Variants in ELAC2 observed in about 807,000 individuals in gnomAD.
ELAC2 encodes the protein zinc phosphodiesterase ELAC protein 2.
Under a neutral mutation model 105.2 loss-of-function variants are expected in ELAC2, and 92 were observed. That is an observed-to-expected ratio of 0.87 (90% CI 0.74 to 1.04). ELAC2 has a LOEUF of 1.04. ELAC2 is among the 50% of genes least tolerant of loss of function. The pLI is 0.00. For synonymous variants in ELAC2, 468 were observed against 409.1 expected (o/e 1.14, Z -1.74); for missense variants, 1,099 against 1,071.7 (o/e 1.03, Z -0.36).
At chr17:13,015,406 C>T (rs1382965885) in intron 4 of ELAC2, among the ~76,000 whole-genome samples, 1 of 152,156 alleles carries the variant, frequency 6.6e-6, no homozygotes, top group Non-Finnish European at 1.5e-5. Context: ...AAGAAGATGT[C>T]AGAAATTTAT....
intron 5 of ELAC2, 73 bp from the exon 6 acceptor site, chr17:13,013,348 C>T: frequency 6.7e-7 from 1 of 1,501,294 alleles, no homozygotes; most frequent in Admixed American, 1.8e-5. Flanking sequence ...TTCAGGATCA[C>T]CAACCACGAG....
In ELAC2 at chr17:13,017,986, C is replaced by T. The variant is rs545750425; in HGVS notation, c.-39G>A. 1.1e-4 allele frequency: 165 copies of T among 1,534,030 alleles called. No individual in the cohort carries two copies. Among genetic ancestry groups the T allele is most frequent in the Middle Eastern group, 2.2e-4 (1 of 4,564 alleles). On this transcript the variant is annotated 5_prime_UTR_variant, in exon 1 of 24. In the 5' UTR this introduces an upstream ATG that the reference lacks. Transcript: ENST00000338034. Reference sequence around the variant, plus strand: ...CCAAAACTGAGAAAGCCGCCGGTCACCTACGCCCGCGTTTCCCGTGCACCA... The same window carrying T: ...CCAAAACTGAGAAAGCCGCCGGTCATCTACGCCCGCGTTTCCCGTGCACCA...
chr17:13,017,182 C>T lies in ELAC2; in HGVS notation c.246-61G>A. 2.2e-6 allele frequency: 3 copies of T among 1,346,680 alleles called. No homozygotes were observed. In the Admixed American group the frequency reaches 5.1e-5, roughly 23 times the overall value. The allele number at this position is 1,346,680 out of a possible 1,614,324, so 83.4% of individuals were successfully genotyped here. On this transcript the variant is annotated intron_variant, in intron 1 of 23. Transcript: ENST00000338034. ...TTTTATTCTGTAAACTCTCTGACACCAATTAGATGTTTTATTGTAGACTCT... is the reference window on the plus strand; with the variant it reads ...TTTTATTCTGTAAACTCTCTGACACTAATTAGATGTTTTATTGTAGACTCT...
intron 21 of ELAC2, 38 bp from the exon 22 acceptor site, chr17:12,994,541 G>A (rs2040369427): frequency 3.1e-6 from 5 of 1,612,774 alleles, no homozygotes; most frequent in Non-Finnish European, 4.2e-6. Context: ...AGAGTTCTCT[G>A]CGAGAGCGGC....
In ELAC2 at chr17:12,991,646, T is replaced by A. The variant is rs1196156767; in HGVS notation, c.*1172A>T. 1 of 193,532 alleles carries A rather than the reference T, an allele frequency of 5.2e-6. No individual in the cohort carries two copies. The highest frequency in any genetic ancestry group is 1.1e-5 in the Non-Finnish European group (1 of 92,444). The allele number at this position is 193,532 out of a possible 1,614,324, so 12.0% of individuals were successfully genotyped here. On this transcript the variant is annotated 3_prime_UTR_variant, in exon 24 of 24. Transcript: ENST00000338034. ...TAAAATAGATTTATTATCCCTGAGC[T>A]TGGCATCTGTTCTTGCTTTAATAAA... is the stretch of plus-strand genomic sequence containing the variant.
rs1567744875 is a variant in ELAC2, at chr17:12,995,959, A to G, written c.1679T>C (p.Leu560Pro). ...ACTTACCAAGGCGCGTTCTCTCTGC[A>G]GCAAGATACTTGGCAAGCCCTGGCA... The part of the protein sequence containing the change: ...DHHTGLPSIL[L>P]QRERALASLG... Residue 560 changes from leucine to proline, a missense_variant, in exon 18 of 24, where the codon CTG becomes CCG. Coordinates refer to ENST00000338034, the MANE Select transcript of ELAC2 (RefSeq NM_018127.7). The G allele has an allele frequency of 1.9e-6, 3 of 1,596,890 alleles. No individual in the cohort carries two copies. The highest frequency in any genetic ancestry group is 1.1e-5 in the South Asian group (1 of 88,384).
chr17:12,994,952 G>A lies in ELAC2; in HGVS notation c.1908+11C>T, dbSNP rs867261214. On this transcript the variant is annotated intron_variant, in intron 20 of 23. Transcript: ENST00000338034. ...CCTCGCCCCCATGATGCCTGCGGCT[G>A]TGCCCCTTACCTCTTCCAAATCACA... The A allele has an allele frequency of 5.0e-6, 8 of 1,614,132 alleles. No homozygotes were observed. In the Middle Eastern group the frequency reaches 1.3e-3, roughly 266 times the overall value.
intron 14 of ELAC2, 149 bp from the exon 15 acceptor site, chr17:13,000,423 G>T (rs1701989642): frequency 1.3e-6 from 1 of 768,810 alleles, no homozygotes. Context: ...TAGGATCTGG[G>T]GCAGGTCTGC....
intron 11 of ELAC2, chr17:13,003,875 A>G: frequency 2.6e-6 from 1 of 388,434 alleles, no homozygotes; most frequent in Non-Finnish European, 4.9e-6. Context: ...TACGGGTCCA[A>G]CCTGCAAAGC....
chr17:13,003,439 A>G (rs776329784), intron 12 of ELAC2, 40 bp downstream of exon 12: 7 of 1,588,516 alleles, frequency 4.4e-6, no homozygotes, highest in Non-Finnish European at 6.1e-6. Context: ...ACCACTGCCC[A>G]GAAGAGTTAC....
At chr17:12,999,123 C>G (rs1477404335) in intron 15 of ELAC2, among the ~76,000 whole-genome samples, 1 of 152,262 alleles carries the variant, frequency 6.6e-6, no homozygotes, top group Non-Finnish European at 1.5e-5. Flanking sequence ...GTGGGACCCA[C>G]AGGCTATCTG....
intron 14 of ELAC2, chr17:13,000,802 G>A (rs73298506): frequency 0.26 from 46,548 of 178,490 alleles, 6,425 homozygotes; most frequent in Middle Eastern, 0.31. Flanking sequence ...ACACGGAGTG[G>A]CAACTCCTTG....
chr17:12,992,841 C>A lies in ELAC2; in HGVS notation c.2458G>T (p.Ala820Ser). The change falls in exon 24 of 24, where the codon GCC (alanine) becomes TCC (serine). Residue 820 changes from alanine (A) to serine (S), a missense_variant. Ala to Ser is a moderately conservative substitution (Grantham distance 99, BLOSUM62 1). Coordinates refer to ENST00000338034, the MANE Select transcript of ELAC2 (RefSeq NM_018127.7). ...CTTCACTGGGCTCTGACCTTCTTGG[C>A]CTGTGGCTCCTCTGTGTGGGCCCGC... ...QKRAHTEEPQ[A>S]KKVRAQ 6.2e-7 allele frequency: 1 copy of A among 1,611,336 alleles called. No homozygotes were observed. The highest frequency in any genetic ancestry group is 2.2e-5 in the East Asian group (1 of 44,848).
intron 6 of ELAC2, among the ~76,000 whole-genome samples, chr17:13,012,619 T>G (rs1202862659): frequency 6.6e-6 from 1 of 152,210 alleles, no homozygotes; most frequent in Non-Finnish European, 1.5e-5. Context: ...CCATCAGCAC[T>G]ACTTAGTAAG....
intron 17 of ELAC2, 152 bp from the exon 18 acceptor site, chr17:12,996,130 C>A: frequency 1.2e-6 from 1 of 850,758 alleles, no homozygotes; most frequent in Non-Finnish European, 1.9e-6. Flanking sequence ...CAGGCCGAGC[C>A]CCCTGCGCCA....
intron 1 of ELAC2, chr17:13,017,463 CG>C: frequency 1.2e-6 from 1 of 816,416 alleles, no homozygotes. Context: ...ACAGCCAGGC[CG>C]GGGCCCAAGG....
rs2040486497 is a variant in ELAC2 at position 12,996,639 on chromosome 17, G to A, written c.1567C>T (p.Gln523Ter). Residue 523 changes from glutamine to a stop codon, truncating the protein, a stop_gained, in exon 17 of 24, where the codon CAG becomes TAG. Coordinates refer to ENST00000338034, the MANE Select transcript of ELAC2 (RefSeq NM_018127.7). LOFTEE classifies it high-confidence loss of function. ...TGGTCTCCGTAATGACGGCACAGCT[G>A]CCCAAATGTGCCCTCACCACAGTCC... is the stretch of plus-strand genomic sequence containing the variant. ...LLDCGEGTFG[Q>*]LCRHYGDQVD... 1 of 1,613,980 alleles carries A rather than the reference G, an allele frequency of 6.2e-7. No individual in the cohort carries two copies. The highest frequency in any genetic ancestry group is 8.5e-7 in the Non-Finnish European group (1 of 1,180,016).
intron 3 of ELAC2, 23 bp from the exon 4 acceptor site, chr17:13,015,855 G>C (rs2041690771): frequency 6.2e-7 from 1 of 1,601,128 alleles, no homozygotes; most frequent in Non-Finnish European, 8.6e-7. Context: ...CATAAAATCA[G>C]ATCTCTCATC....
At chr17:12,993,272 A>T (rs1006143904) in intron 23 of ELAC2, among the ~76,000 whole-genome samples, 3 of 152,194 alleles carry the variant, frequency 2.0e-5, no homozygotes, top group Non-Finnish European at 2.9e-5. Flanking sequence ...GGGAAGGGAG[A>T]GCAGTCCAGA....
Sources: gnomAD v4.1 joint callset for allele counts (sites outside exome capture counted in the v4.1 genomes callset) on GRCh38, gnomAD v4.1.1 for gene constraint, MANE v1.5 for transcripts, NCBI Gene and HGNC (gene_info 2026-07-23, HGNC 2026-07-21) for gene names.